LYN: variants seen among roughly 807,000 people sequenced by gnomAD.
The protein encoded by LYN is tyrosine-protein kinase Lyn.
In LYN, 12 loss-of-function variants were observed where a neutral mutation model predicts 65.0. The ratio of observed to expected loss-of-function variants is 0.18; its 90% confidence interval spans 0.12 to 0.30. The LOEUF (loss-of-function observed/expected upper bound fraction) is 0.30. LYN is among the 10% of genes least tolerant of loss of function. The pLI is 1.00. For synonymous variants in LYN, 222 were observed against 221.2 expected, an observed-to-expected ratio of 1.00 and a Z score of -0.03; for missense variants, 380 against 623.2, an observed-to-expected ratio of 0.61 and a Z score of 4.16.
rs201872970 is a variant in LYN at position 56,011,031 on chromosome 8, T to C, written c.*921T>C. On this transcript the variant is annotated 3_prime_UTR_variant, in exon 13 of 13. Coordinates refer to ENST00000519728, the MANE Select transcript of LYN (RefSeq NM_002350.4). ...TCTAAAACATAAGAGTTTCCTTTGT[T>C]GCTTCAAATATTTGAACATTATGTT... 42 of 232,450 alleles carry C rather than the reference T, an allele frequency of 1.8e-4. No homozygotes were observed. The East Asian group carries it at 2.6e-3, about 14-fold the overall frequency. The allele number at this position is 232,450 out of a possible 1,614,324, so 14.4% of individuals were successfully genotyped here.
intron 1 of LYN, among the ~76,000 whole-genome samples, chr8:55,896,079 CA>C (rs1805087918): frequency 6.6e-6 from 1 of 151,722 alleles, no homozygotes; most frequent in Admixed American, 6.6e-5. Flanking sequence ...CATCCTTAAG[CA>C]TCTCGTTAGG....
At chr8:55,926,386 G>A (rs537319808) in intron 1 of LYN, among the ~76,000 whole-genome samples, 8 of 152,322 alleles carry the variant, frequency 5.3e-5, no homozygotes, top group African/African-American at 1.9e-4. Flanking sequence ...GTATAGATGT[G>A]TAAGTTCAGA....
intron 10 of LYN, among the ~76,000 whole-genome samples, chr8:55,974,476 A>T (rs1807697853): frequency 1.3e-5 from 2 of 152,168 alleles, no homozygotes; most frequent in African/African-American, 4.8e-5. Context: ...CTTTTTGAGT[A>T]GGAGGGCCTT....
chr8:55,955,843 G>A (rs1228666410), intron 8 of LYN, among the ~76,000 whole-genome samples: 3 of 152,170 alleles, frequency 2.0e-5, no homozygotes, highest in Non-Finnish European at 4.4e-5. Context: ...GTTGTAGAAT[G>A]TATTAGAATT....
chr8:55,940,526 C>T (rs1179191033), intron 1 of LYN, among the ~76,000 whole-genome samples: 1 of 152,164 alleles, frequency 6.6e-6, no homozygotes, highest in Non-Finnish European at 1.5e-5. Context: ...CAGGCGTGTG[C>T]CACCACGCCC....
chr8:55,934,291 C>A (rs1269221132), intron 1 of LYN, among the ~76,000 whole-genome samples: 3 of 152,200 alleles, frequency 2.0e-5, no homozygotes, highest in Admixed American at 2.0e-4. Context: ...AGTTGGCAAA[C>A]AGCTTAAGTT....
At chr8:56,008,150 A>C (rs1310009786) in intron 12 of LYN, among the ~76,000 whole-genome samples, 1 of 150,128 alleles carries the variant, frequency 6.7e-6, no homozygotes, top group Non-Finnish European at 1.5e-5. Flanking sequence ...AAAATAAAAT[A>C]AAATACTGGT....
At chr8:55,987,437 T>C (rs1808108148) in intron 10 of LYN, among the ~76,000 whole-genome samples, 1 of 152,016 alleles carries the variant, frequency 6.6e-6, no homozygotes, top group South Asian at 2.1e-4. Flanking sequence ...TTTCTGTTTA[T>C]TTATTTATTT....
At chr8:55,991,605 C>T (rs188877507) in intron 10 of LYN, among the ~76,000 whole-genome samples, 14 of 152,162 alleles carry the variant, frequency 9.2e-5, no homozygotes, top group Non-Finnish European at 1.8e-4. Flanking sequence ...CCCCCCACCC[C>T]CAGGATTTGC....
At chr8:56,003,624 G>T (rs1204683073) in intron 12 of LYN, among the ~76,000 whole-genome samples, 1 of 151,138 alleles carries the variant, frequency 6.6e-6, no homozygotes, top group Non-Finnish European at 1.5e-5. Context: ...GCAGTGAGCC[G>T]AGATGCGCCA....
intron 11 of LYN, 23 bp from the exon 12 acceptor site, chr8:55,999,395 G>A (rs1200821273): frequency 1.9e-6 from 3 of 1,608,256 alleles, no homozygotes; most frequent in Non-Finnish European, 2.5e-6. Flanking sequence ...ACCCAAGTAA[G>A]AACCACATAT....
chr8:55,950,960 T>C (rs570696775), intron 6 of LYN, among the ~76,000 whole-genome samples, 176 bp downstream of exon 6: 1 of 152,282 alleles, frequency 6.6e-6, no homozygotes, highest in South Asian at 2.1e-4. Context: ...AAAAGTAATA[T>C]AGTTGAGTGT....
At chr8:55,969,855 C>T in intron 10 of LYN, 62 bp downstream of exon 10, 1 of 1,377,150 alleles carries the variant, frequency 7.3e-7, no homozygotes, top group Non-Finnish European at 1.0e-6. Flanking sequence ...GCGTCAAATT[C>T]ATGAAGGAGT....
intron 10 of LYN, among the ~76,000 whole-genome samples, chr8:55,970,479 G>A (rs1322585387): frequency 1.3e-5 from 2 of 152,154 alleles, no homozygotes; most frequent in Non-Finnish European, 1.5e-5. Flanking sequence ...GTGTCCATTA[G>A]TAATGTTCAG....
chr8:55,884,546 C>T (rs1804737721), intron 1 of LYN, among the ~76,000 whole-genome samples: 1 of 152,144 alleles, frequency 6.6e-6, no homozygotes, highest in South Asian at 2.1e-4. Context: ...ACCTCCATCT[C>T]CTGGATTCAA....
chr8:55,881,056 T>C (rs1359264173), intron 1 of LYN, among the ~76,000 whole-genome samples: 2 of 152,180 alleles, frequency 1.3e-5, no homozygotes, highest in African/African-American at 4.8e-5. Context: ...CCTGTTTGAG[T>C]TTCTTCATCT....
intron 4 of LYN, among the ~76,000 whole-genome samples, chr8:55,950,193 A>T (rs1361653497): frequency 6.6e-6 from 1 of 152,154 alleles, no homozygotes; most frequent in Non-Finnish European, 1.5e-5. Flanking sequence ...GGTTGTTTCT[A>T]CTTTTTGCTT....
chr8:55,948,511 C>G (rs1238126462), intron 4 of LYN, among the ~76,000 whole-genome samples: 27 of 152,186 alleles, frequency 1.8e-4, no homozygotes, highest in Admixed American at 1.8e-3. Flanking sequence ...TCTCCTCAAC[C>G]CCCTCTTGCT....
intron 12 of LYN, among the ~76,000 whole-genome samples, chr8:56,004,113 G>C (rs1207183842): frequency 6.6e-6 from 1 of 151,072 alleles, no homozygotes; most frequent in Non-Finnish European, 1.5e-5. Flanking sequence ...TGTATTTTTA[G>C]TAGAGATGGG....
Sources: gnomAD v4.1 joint callset for allele counts (sites outside exome capture counted in the v4.1 genomes callset) on GRCh38, gnomAD v4.1.1 for gene constraint, MANE v1.5 for transcripts, NCBI Gene and HGNC (gene_info 2026-07-23, HGNC 2026-07-21) for gene names.